The following SPC24 variants were observed in gnomAD, a reference collection of about 807,000 sequenced individuals.
SPC24 encodes kinetochore protein Spc24.
In SPC24, 31 loss-of-function variants were observed where a neutral mutation model predicts 27.6. That is an observed-to-expected ratio of 1.12 (90% CI 0.84 to 1.52). The LOEUF is 1.52. SPC24 is among the 40% of genes most tolerant of loss of function. The probability of loss-of-function intolerance (pLI) is 0.00; values close to 1 mark genes in which losing one functional copy is unlikely to be tolerated. For missense variants in SPC24, 284 were observed against 252.5 expected (o/e 1.12, Z -0.84); for synonymous variants, 105 against 105.8 (o/e 0.99, Z 0.05).
rs554855923 is a variant in SPC24, at chr19:11,150,991, G to A, written c.161-1753C>T. ...ATCCTGGCTAACATGGTGAAACCCC[G>A]TCTCTACTAAAGATACAAAAAATTA... is the stretch of plus-strand genomic sequence containing the variant. On this transcript the variant is annotated intron_variant, in intron 1 of 4. Coordinates refer to ENST00000592540, the MANE Select transcript of SPC24 (RefSeq NM_182513.4). Among the ~76,000 whole-genome samples, 22 of 151,952 alleles carry A rather than the reference G, an allele frequency of 1.4e-4. No individual in the cohort carries two copies. The South Asian group carries it at 2.5e-3, about 17-fold the overall frequency.
Position 11,146,161 on chromosome 19 carries a change from T to C in SPC24, c.*1022A>G, listed in dbSNP as rs2077821579. 1.3e-5 allele frequency: 2 copies of C among 151,866 alleles called. No homozygotes were observed. Among genetic ancestry groups the C allele is most frequent in the Admixed American group, 6.6e-5 (1 of 15,192 alleles). The allele number at this position is 151,866 out of a possible 1,614,324, so 9.4% of individuals were successfully genotyped here. A position where few individuals can be genotyped will look rare whatever the true frequency, so the allele number is the denominator to read the frequency against. ...TCTGGACCTCTCTCCAGTTCTAGAG[T>C]GTTGTCTGCTTTTGTGTTAATTCCT... On this transcript the variant is annotated 3_prime_UTR_variant, in exon 5 of 5. Coordinates refer to ENST00000592540, the MANE Select transcript of SPC24 (RefSeq NM_182513.4).
In SPC24 at chr19:11,147,102, T is replaced by C. The variant is rs781764861; in HGVS notation, c.*81A>G. 5.6e-5 allele frequency: 36 copies of C among 638,274 alleles called. No individual in the cohort carries two copies. Among genetic ancestry groups the C allele is most frequent in the Non-Finnish European group, 8.9e-5 (35 of 392,436 alleles). The allele number at this position is 638,274 out of a possible 1,614,324, so 39.5% of individuals were successfully genotyped here. On this transcript the variant is annotated 3_prime_UTR_variant, in exon 5 of 5. Transcript: ENST00000592540. ...TCTCAAAAAAAAAAAAAAAAAGATC[T>C]ATGTCCCCACATTTCATTTGAAATG...
chr19:11,154,306 G>A (rs535397252), intron 1 of SPC24, among the ~76,000 whole-genome samples: 13 of 152,102 alleles, frequency 8.5e-5, no homozygotes, highest in Non-Finnish European at 1.5e-4. Context: ...TTGGGAGGCC[G>A]AGGTGGGCGA....
rs1568629506 is a variant in SPC24, at chr19:11,146,570, CCTGT to C, written c.*609_*612del. 1.4e-5 allele frequency: 2 copies of C among 145,864 alleles called. No individual in the cohort carries two copies. Among genetic ancestry groups the C allele is most frequent in the Non-Finnish European group, 1.5e-5 (1 of 67,228 alleles). 9.0% of individuals were successfully genotyped at this position (145,864 alleles called of 1,614,324 possible). A position where few individuals can be genotyped will look rare whatever the true frequency, so the allele number is the denominator to read the frequency against. On this transcript the variant is annotated 3_prime_UTR_variant, in exon 5 of 5. Transcript: ENST00000592540. Reference sequence around the variant, plus strand: ...CACAAACTCAGGAGATGGAGACCATCCTGTCTAACATGGTGAAACCCCGTCTCTA... The same window carrying C: ...CACAAACTCAGGAGATGGAGACCATCCTAACATGGTGAAACCCCGTCTCTA...
chr19:11,153,079 A>G (rs2077884509), intron 1 of SPC24, among the ~76,000 whole-genome samples: 1 of 152,044 alleles, frequency 6.6e-6, no homozygotes, highest in Admixed American at 6.6e-5. Flanking sequence ...GGAGAACCGT[A>G]TGGCGGTTCC....
Position 11,147,272 on chromosome 19 carries a change from C to T in SPC24, c.505G>A (p.Val169Met), listed in dbSNP as rs1384211392. Residue 169 changes from valine (V) to methionine (M), a missense_variant, in exon 5 of 5, where the codon GTG (valine) becomes ATG (methionine). Coordinates refer to ENST00000592540, the MANE Select transcript of SPC24 (RefSeq NM_182513.4). ...CTGTCCAGGTGGATGGGCTGGGCCACACTGGGGCCATGATGGACTGAGGCA... is the reference window on the plus strand; with the variant it reads ...CTGTCCAGGTGGATGGGCTGGGCCATACTGGGGCCATGATGGACTGAGGCA... The part of the protein sequence containing the change: ...MVKGIHHGPS[V>M]AQPIHLDSTQ... 11 of 1,567,060 alleles carry T rather than the reference C, an allele frequency of 7.0e-6. No individual in the cohort carries two copies. The highest frequency in any genetic ancestry group is 9.5e-6 in the Non-Finnish European group (11 of 1,155,248).
chr19:11,154,722 AAGT>A (rs1401604578), intron 1 of SPC24, among the ~76,000 whole-genome samples: 3 of 152,150 alleles, frequency 2.0e-5, no homozygotes, highest in Admixed American at 1.3e-4. Flanking sequence ...TTGAGACAGA[AAGT>A]AGAACCCTGG....
In SPC24 at chr19:11,148,121, G is replaced by C; in HGVS notation, c.306-4C>G. 6.2e-7 allele frequency: 1 copy of C among 1,610,894 alleles called. No individual in the cohort carries two copies. Among genetic ancestry groups the C allele is most frequent in the African/African-American group, 1.3e-5 (1 of 74,954 alleles). On this transcript the variant is annotated splice_region_variant and splice_polypyrimidine_tract_variant and intron_variant, in intron 2 of 4. Transcript: ENST00000592540. ...TTCCAGCTCTCTGGTGAGCTGAGTAGGGCAGGTCGTTAAGGACCCCGGCTT... is the reference window on the plus strand; with the variant it reads ...TTCCAGCTCTCTGGTGAGCTGAGTACGGCAGGTCGTTAAGGACCCCGGCTT...
intron 1 of SPC24, among the ~76,000 whole-genome samples, chr19:11,153,026 G>A (rs2077883997): frequency 6.8e-6 from 1 of 146,076 alleles, no homozygotes; most frequent in Admixed American, 6.7e-5. Context: ...CATAAAATGT[G>A]ACTGTATAAG....
chr19:11,146,940 T>C lies in SPC24; in HGVS notation c.*243A>G, dbSNP rs1229359582. ...TACCAAATACAAAAAATTAGCTGGGTGTGGTGGCGCATGCCTGTAATCCCA... is the reference window on the plus strand; with the variant it reads ...TACCAAATACAAAAAATTAGCTGGGCGTGGTGGCGCATGCCTGTAATCCCA... On this transcript the variant is annotated 3_prime_UTR_variant, in exon 5 of 5. Coordinates refer to ENST00000592540, the MANE Select transcript of SPC24 (RefSeq NM_182513.4). 2 of 247,170 alleles carry C rather than the reference T, an allele frequency of 8.1e-6. No homozygotes were observed. Among genetic ancestry groups the C allele is most frequent in the South Asian group, 5.8e-5 (1 of 17,114 alleles). The allele number at this position is 247,170 out of a possible 1,614,324, so 15.3% of individuals were successfully genotyped here. A position where few individuals can be genotyped will look rare whatever the true frequency, so the allele number is the denominator to read the frequency against.
Position 11,147,436 on chromosome 19 carries a change from T to C in SPC24, c.488-147A>G, listed in dbSNP as rs2077835409. On this transcript the variant is annotated intron_variant, in intron 4 of 4. Transcript: ENST00000592540. Reference sequence around the variant, plus strand: ...AGTACAGTGGTGCGATCTCGGCTCATTGCAACCTCCACCTCCAGTGGTTAA... The same window carrying C: ...AGTACAGTGGTGCGATCTCGGCTCACTGCAACCTCCACCTCCAGTGGTTAA... 6.7e-6 allele frequency: 4 copies of C among 598,236 alleles called. No individual in the cohort carries two copies. In the South Asian group the frequency reaches 8.1e-5, roughly 12 times the overall value. 37.1% of individuals were successfully genotyped at this position (598,236 alleles called of 1,614,324 possible). A position where few individuals can be genotyped will look rare whatever the true frequency, so the allele number is the denominator to read the frequency against.
chr19:11,147,429 C>T (rs966745184), intron 4 of SPC24, 140 bp from the exon 5 acceptor site: 21 of 606,676 alleles, frequency 3.5e-5, no homozygotes, highest in South Asian at 2.8e-4. Context: ...GGTGCGATCT[C>T]GGCTCATTGC....
Position 11,147,144 on chromosome 19 carries a change from A to T in SPC24, c.*39T>A. ...TTTGAAATGGATCTGACCACGGCAG[A>T]TGCCCGCTGGGTGCAAGACGCAGCC... On this transcript the variant is annotated 3_prime_UTR_variant, in exon 5 of 5. Coordinates refer to ENST00000592540, the MANE Select transcript of SPC24 (RefSeq NM_182513.4). 1.5e-6 allele frequency: 2 copies of T among 1,304,354 alleles called. No individual in the cohort carries two copies. Among genetic ancestry groups the T allele is most frequent in the Non-Finnish European group, 2.1e-6 (2 of 932,562 alleles). 80.8% of individuals were successfully genotyped at this position (1,304,354 alleles called of 1,614,324 possible).
Position 11,147,238 on chromosome 19 carries a change from AGCTGGGT to A in SPC24, c.532_538del (p.Thr178SerfsTer41). Reference sequence around the variant, plus strand: ...GTAGTCGCTGATGAATTTCCTGGAGAGCTGGGTGCTGTCCAGGTGGATGGGCTGGGCC... The same window carrying A: ...GTAGTCGCTGATGAATTTCCTGGAGAGCTGTCCAGGTGGATGGGCTGGGCC... On this transcript the variant is annotated frameshift_variant, in exon 5 of 5. Transcript: ENST00000592540. LOFTEE classifies it high-confidence loss of function. 1 of 1,565,088 alleles carries A rather than the reference AGCTGGGT, an allele frequency of 6.4e-7. No individual in the cohort carries two copies. The highest frequency in any genetic ancestry group is 1.2e-5 in the South Asian group (1 of 84,956).
intron 1 of SPC24, chr19:11,149,479 G>GCCACCATGCC: frequency 3.3e-6 from 1 of 299,836 alleles, no homozygotes; most frequent in South Asian, 1.3e-4. Context: ...GCCAGGCATG[G>GCCACCATGCC]TGGCTCATGC....
intron 2 of SPC24, 110 bp downstream of exon 2, chr19:11,148,984 T>TG (rs2147315492): frequency 8.9e-7 from 1 of 1,124,452 alleles, no homozygotes; most frequent in Non-Finnish European, 1.2e-6. Flanking sequence ...TGGGCTCAAG[T>TG]GATCCTCCCA....
At chr19:11,155,522 C>G (rs2082935803) in intron 1 of SPC24, 95 bp downstream of exon 1, 1 of 1,395,110 alleles carries the variant, frequency 7.2e-7, no homozygotes, top group African/African-American at 1.5e-5. Context: ...ATGGGAGAGT[C>G]CAGGAGAGAA....
chr19:11,153,621 A>G (rs978567603), intron 1 of SPC24, among the ~76,000 whole-genome samples: 3 of 150,880 alleles, frequency 2.0e-5, no homozygotes, highest in African/African-American at 7.3e-5. Context: ...TTAGCTGGGC[A>G]TGTTGGCACG....
At position 11,147,906 on chromosome 19, in the gene SPC24, G is replaced by C; in HGVS notation, c.411-12C>G. On this transcript the variant is annotated splice_polypyrimidine_tract_variant and intron_variant, in intron 3 of 4. Coordinates refer to ENST00000592540, the MANE Select transcript of SPC24 (RefSeq NM_182513.4). ...GTTGAGCCACGTACCTGTACAGGAA[G>C]ACAAAAAAAAAAAAAAAAAAAAAAG... The C allele has an allele frequency of 2.3e-5, 22 of 939,304 alleles. No homozygotes were observed. The highest frequency in any genetic ancestry group is 4.3e-5 in the African/African-American group (1 of 23,472). The allele number at this position is 939,304 out of a possible 1,614,324, so 58.2% of individuals were successfully genotyped here.
Sources: allele counts gnomAD v4.1 joint callset (sites outside exome capture counted in the v4.1 genomes callset), GRCh38; gene constraint gnomAD v4.1.1; transcripts MANE v1.5; gene names NCBI Gene and HGNC (gene_info 2026-07-23, HGNC 2026-07-21).